Variants in MANBA observed in about 807,000 individuals in gnomAD.
MANBA encodes the protein mannosidase beta, also known as beta-mannosidase.
A neutral mutation model predicts 111.1 loss-of-function variants in MANBA; 83 were observed. The ratio of observed to expected loss-of-function variants is 0.75; its 90% CI spans 0.63 to 0.90. The LOEUF is 0.90. Among genes scored for constraint, MANBA ranks in the 40% least tolerant of loss-of-function variants. The pLI is 0.00. For synonymous variants in MANBA, 370 were observed against 378.7 expected (o/e 0.98, Z 0.27); for missense variants, 1,036 against 1,069.0 (o/e 0.97, Z 0.43).
chr4:102,753,269 G>C (rs1269005898), intron 1 of MANBA, among the ~76,000 whole-genome samples: 2 of 151,658 alleles, frequency 1.3e-5, no homozygotes, highest in African/African-American at 2.4e-5. Flanking sequence ...AATGTGGAAA[G>C]ATAAACACTT....
intron 1 of MANBA, chr4:102,751,615 T>C: frequency 1.8e-6 from 1 of 540,780 alleles, no homozygotes; most frequent in Non-Finnish European, 3.8e-6. Flanking sequence ...CACATGGAAC[T>C]GGAGAACATG....
intron 11 of MANBA, among the ~76,000 whole-genome samples, chr4:102,664,371 C>T (rs993941873): frequency 8.2e-5 from 12 of 146,548 alleles, no homozygotes; most frequent in South Asian, 2.1e-4. Context: ...TTTTTTGAGA[C>T]GGAGTCTCGC....
chr4:102,680,484 C>A (rs768825606), intron 7 of MANBA, among the ~76,000 whole-genome samples: 22 of 151,990 alleles, frequency 1.4e-4, no homozygotes, highest in Non-Finnish European at 4.4e-5. Flanking sequence ...GGCCCAGCTT[C>A]ATAATGAACC....
chr4:102,741,593 T>C (rs908507090), intron 1 of MANBA, among the ~76,000 whole-genome samples: 1 of 152,216 alleles, frequency 6.6e-6, no homozygotes, highest in Non-Finnish European at 1.5e-5. Context: ...TTATACATAA[T>C]ATGGAATACT....
At chr4:102,677,752 TC>T (rs1419850581) in intron 7 of MANBA, among the ~76,000 whole-genome samples, 1 of 152,158 alleles carries the variant, frequency 6.6e-6, no homozygotes, top group African/African-American at 2.4e-5. Flanking sequence ...CAGATGAGAA[TC>T]CCTTTGTCTC....
intron 1 of MANBA, chr4:102,730,279 A>C: frequency 3.3e-5 from 18 of 551,892 alleles, no homozygotes; most frequent in Middle Eastern, 4.4e-4. Context: ...ATATCGTCTC[A>C]TGACCGGAGG....
intron 12 of MANBA, among the ~76,000 whole-genome samples, chr4:102,652,258 C>T (rs1322841858): frequency 6.6e-6 from 1 of 152,154 alleles, no homozygotes; most frequent in Non-Finnish European, 1.5e-5. Flanking sequence ...CCCTGGCAAC[C>T]CTTCCACCCT....
intron 5 of MANBA, among the ~76,000 whole-genome samples, chr4:102,701,992 T>C (rs1251430068): frequency 1.3e-5 from 2 of 152,148 alleles, no homozygotes; most frequent in African/African-American, 4.8e-5. Context: ...CACTTTCAGG[T>C]ACACCAGTCA....
intron 13 of MANBA, among the ~76,000 whole-genome samples, chr4:102,648,778 A>T (rs941495081): frequency 6.6e-6 from 1 of 152,134 alleles, no homozygotes; most frequent in African/African-American, 2.4e-5. Flanking sequence ...ATGCCATAAC[A>T]TTCACAAATC....
intron 5 of MANBA, among the ~76,000 whole-genome samples, chr4:102,696,364 G>GA (rs141800608): frequency 0.028 from 4,225 of 152,142 alleles, 135 homozygotes; most frequent in African/African-American, 0.078. Flanking sequence ...AGCTGAAAAG[G>GA]CACTAAAATA....
At chr4:102,732,588 G>A (rs975515330) in intron 1 of MANBA, among the ~76,000 whole-genome samples, 5 of 152,208 alleles carry the variant, frequency 3.3e-5, no homozygotes, top group African/African-American at 1.2e-4. Context: ...GAAATATTTT[G>A]ATAAGCTACT....
chr4:102,700,597 T>TGACTTCA (rs1392735603), intron 5 of MANBA, among the ~76,000 whole-genome samples: 2 of 152,238 alleles, frequency 1.3e-5, no homozygotes, highest in East Asian at 3.8e-4. Flanking sequence ...TCTTTATTTC[T>TGACTTCA]GCCTTCATTT....
At chr4:102,658,630 C>T (rs944745988) in intron 11 of MANBA, among the ~76,000 whole-genome samples, 1 of 152,156 alleles carries the variant, frequency 6.6e-6, no homozygotes, top group Non-Finnish European at 1.5e-5. Context: ...TTCATGTTCT[C>T]GTTTCTGTAA....
chr4:102,690,778 T>C lies in MANBA; in HGVS notation c.674-7A>G, dbSNP rs755672769. ...CACTCCTGGGCACTCTTATCTAAAA[T>C]ATAAAAAGAAAAAGAAATATATATA... On this transcript the variant is annotated splice_region_variant and splice_polypyrimidine_tract_variant and intron_variant, in intron 5 of 16. Coordinates refer to ENST00000647097, the MANE Select transcript of MANBA (RefSeq NM_005908.4). 4.5e-6 allele frequency: 6 copies of C among 1,329,200 alleles called. No individual in the cohort carries two copies. Among genetic ancestry groups the C allele is most frequent in the South Asian group, 1.7e-5 (1 of 60,238 alleles). 82.3% of individuals were successfully genotyped at this position (1,329,200 alleles called of 1,614,324 possible). A position where few individuals can be genotyped will look rare whatever the true frequency, so the allele number is the denominator to read the frequency against.
intron 13 of MANBA, among the ~76,000 whole-genome samples, chr4:102,641,900 T>C (rs560907162): frequency 5.3e-5 from 8 of 151,324 alleles, no homozygotes; most frequent in African/African-American, 1.9e-4. Flanking sequence ...TGGCTCTATC[T>C]AGTAGCCTCT....
chr4:102,691,707 T>C (rs1284085824), intron 5 of MANBA, among the ~76,000 whole-genome samples: 1 of 152,000 alleles, frequency 6.6e-6, no homozygotes, highest in African/African-American at 2.4e-5. Flanking sequence ...GAGGTCTCAC[T>C]TTGTTGTCCA....
At chr4:102,681,627 G>A (rs1044750351) in intron 7 of MANBA, 33 of 151,994 alleles carry the variant, frequency 2.2e-4, no homozygotes, top group African/African-American at 4.8e-4. Flanking sequence ...AGATCACATC[G>A]AATTGAAGTA....
intron 1 of MANBA, chr4:102,727,945 G>A: frequency 4.4e-6 from 2 of 455,200 alleles, no homozygotes; most frequent in South Asian, 3.7e-5. Flanking sequence ...TCTACTGAGA[G>A]AACTTTTCTG....
At chr4:102,689,729 GC>G (rs747047236) in intron 6 of MANBA, 45 bp from the exon 7 acceptor site, 2 of 1,081,498 alleles carry the variant, frequency 1.8e-6, no homozygotes, top group Admixed American at 1.7e-5. Context: ...CATATTTTCA[GC>G]AAAAAAGGCT....
Sources: allele counts gnomAD v4.1 joint callset (sites outside exome capture counted in the v4.1 genomes callset), GRCh38; gene constraint gnomAD v4.1.1; transcripts MANE v1.5; gene names NCBI Gene and HGNC (gene_info 2026-07-23, HGNC 2026-07-21).